DYNC1H1: variants seen among roughly 807,000 people sequenced by gnomAD.
DYNC1H1 encodes dynein cytoplasmic 1 heavy chain 1, also known as cytoplasmic dynein 1 heavy chain 1.
Under a neutral mutation model 527.1 loss-of-function variants are expected in DYNC1H1, and 51 were observed. The ratio of observed to expected loss-of-function variants is 0.10; its 90% CI spans 0.08 to 0.12. The LOEUF is 0.12. DYNC1H1 is among the 10% of genes least tolerant of loss of function. The pLI, the probability that DYNC1H1 is intolerant of heterozygous loss-of-function variation, is 1.00. For synonymous variants in DYNC1H1, 2,189 were observed against 2,278.8 expected, an observed-to-expected ratio of 0.96 and a Z score of 1.12; for missense variants, 2,771 against 5,971.8, an observed-to-expected ratio of 0.46 and a Z score of 17.66.
intron 2 of DYNC1H1, 125 bp downstream of exon 2, chr14:101,975,924 T>G: frequency 5.3e-6 from 4 of 754,040 alleles, no homozygotes; most frequent in Non-Finnish European, 8.3e-6. Flanking sequence ...TTTTTTTTTT[T>G]GAGACGGAGT....
chr14:102,048,748 G>C (rs772963190), intron 74 of DYNC1H1, 79 bp downstream of exon 74: 13 of 1,463,868 alleles, frequency 8.9e-6, no homozygotes, highest in African/African-American at 1.4e-5. Context: ...CAGCCACACA[G>C]CACCACGTGC....
At chr14:102,009,788 A>ATTTTTTTTTTTTT in intron 29 of DYNC1H1, 55 bp from the exon 30 acceptor site, 1 of 1,595,192 alleles carries the variant, frequency 6.3e-7, no homozygotes, top group Admixed American at 1.7e-5. Flanking sequence ...TTTAGAATGC[A>ATTTTTTTTTTTTT]TTTTGTTTTT....
At position 102,049,723 on chromosome 14, in the gene DYNC1H1, G is replaced by C; in HGVS notation, c.13525G>C (p.Val4509Leu). The C allele has an allele frequency of 2.5e-6, 4 of 1,613,896 alleles. No homozygotes were observed. The highest frequency in any genetic ancestry group is 3.4e-6 in the Non-Finnish European group (4 of 1,180,018). Reference sequence around the variant, plus strand: ...CTGCTGCTTTCCACAGAACATCCACGTGTGCCTGGGTGGCCTGTTCGTGCC... The same window carrying C: ...CTGCTGCTTTCCACAGAACATCCACCTGTGCCTGGGTGGCCTGTTCGTGCC... ...GGAKELKNIH[V>L]CLGGLFVPEA... Residue 4509 changes from valine (V) to leucine (L), a missense_variant, in exon 76 of 78, where the codon GTG becomes CTG. This residue lies in a region of DYNC1H1 where 170 missense variants were observed against 249.8 expected (regional missense o/e 0.68). Coordinates refer to ENST00000360184, the MANE Select transcript of DYNC1H1 (RefSeq NM_001376.5). This position sits in a 1 kb window ranked among gnomAD's most constrained non-coding sequence, Gnocchi z 5.5.
chr14:102,028,468 T>G, intron 48 of DYNC1H1: 1 of 367,078 alleles, frequency 2.7e-6, no homozygotes, highest in South Asian at 2.2e-5. Flanking sequence ...TGAGCTGAGA[T>G]CACGGCACTG....
At chr14:102,024,844 G>A (rs568948521) in intron 43 of DYNC1H1, among the ~76,000 whole-genome samples, 45 of 151,386 alleles carry the variant, frequency 3.0e-4, no homozygotes, top group Non-Finnish European at 5.8e-4. Context: ...ACAGGTGCCC[G>A]CCACCACGCC....
rs781360488 is a variant in DYNC1H1 at position 102,010,667 on chromosome 14, G to C, written c.6406-73G>C. The C allele has an allele frequency of 1.9e-6, 3 of 1,588,796 alleles. No individual in the cohort carries two copies. In the East Asian group the frequency reaches 6.7e-5, roughly 36 times the overall value. On this transcript the variant is annotated intron_variant, in intron 31 of 77. Transcript: ENST00000360184. This position sits in a 1 kb window ranked among gnomAD's most constrained non-coding sequence, Gnocchi z 6.0. The stretch of plus-strand genomic sequence containing the variant: ...TTGTTCACCAACAGTTACTGATCAC[G>C]CACCTCCTGGGGATGCAGCGGGCAG...
At position 102,031,642 on chromosome 14, in the gene DYNC1H1, A is replaced by G. The variant is rs563649483; in HGVS notation, c.9884-630A>G. On this transcript the variant is annotated intron_variant, in intron 51 of 77. Transcript: ENST00000360184. The stretch of plus-strand genomic sequence containing the variant: ...ATAAATGCACAATTGCACTTAAAAT[A>G]TTTTGTAAAATATTTTTTTAAAATA... Among the ~76,000 whole-genome samples the G allele has an allele frequency of 1.8e-4, 28 of 151,844 alleles. 1 individual carries two copies. The East Asian group carries it at 5.3e-3, about 29-fold the overall frequency.
chr14:101,966,293 C>T (rs1173665175), intron 1 of DYNC1H1, among the ~76,000 whole-genome samples: 1 of 151,976 alleles, frequency 6.6e-6, no homozygotes, highest in Non-Finnish European at 1.5e-5. Flanking sequence ...TTCTTATATC[C>T]ACGTGGAATG....
intron 64 of DYNC1H1, 35 bp downstream of exon 64, chr14:102,040,708 A>G (rs766569105): frequency 1.9e-6 from 3 of 1,613,086 alleles, no homozygotes; most frequent in Non-Finnish European, 2.5e-6. Flanking sequence ...CTGGACCTGA[A>G]TGTAAAGTTG....
At position 102,012,118 on chromosome 14, in the gene DYNC1H1, G is replaced by A. The variant is rs371934648; in HGVS notation, c.6857+5G>A. 20 of 1,614,008 alleles carry A rather than the reference G, an allele frequency of 1.2e-5. No individual in the cohort carries two copies. Among genetic ancestry groups the A allele is most frequent in the Admixed American group, 1.0e-4 (6 of 59,996 alleles). On this transcript the variant is annotated splice_donor_5th_base_variant and intron_variant, in intron 33 of 77. Transcript: ENST00000360184. The surrounding 1 kb of genome is among the most constrained non-coding windows in gnomAD (Gnocchi z 4.9). ...CTTCACACACGTGCTGAGAAAGTAC[G>A]TCTTCTTTGATCTGTGTTTGTGTTC... is the stretch of plus-strand genomic sequence containing the variant.
At position 102,033,740 on chromosome 14, in the gene DYNC1H1, C is replaced by G. The variant is rs2048537283; in HGVS notation, c.10414-236C>G. ...ACCAGCAGCTCCAGACCTGTTTGCT[C>G]TGCTGCCTGAGGGCCTCGCTCCGTA... On this transcript the variant is annotated intron_variant, in intron 54 of 77. Coordinates refer to ENST00000360184, the MANE Select transcript of DYNC1H1 (RefSeq NM_001376.5). The surrounding 1 kb of genome is among the most constrained non-coding windows in gnomAD (Gnocchi z 5.6). 8.8e-6 allele frequency: 6 copies of G among 682,242 alleles called. No individual in the cohort carries two copies. Among genetic ancestry groups the G allele is most frequent in the Non-Finnish European group, 1.5e-5 (6 of 400,284 alleles). The allele number at this position is 682,242 out of a possible 1,614,324, so 42.3% of individuals were successfully genotyped here. A position where few individuals can be genotyped will look rare whatever the true frequency, so the allele number is the denominator to read the frequency against.
chr14:102,049,534 G>A lies in DYNC1H1; in HGVS notation c.13467G>A (p.Leu4489=), dbSNP rs1410594862. Reference sequence around the variant, plus strand: ...ACTTCAGCGAGAGGATCAAACAGCTGCAGAACATCTCACTGGCAGCTGCAT... The same window carrying A: ...ACTTCAGCGAGAGGATCAAACAGCTACAGAACATCTCACTGGCAGCTGCAT... ...VSDFSERIKQ[L]QNISLAAASG... is the part of the protein sequence containing the mutation. Residue 4489 remains leucine (L), a synonymous_variant, in exon 75 of 78, where the codon CTG becomes CTA. Coordinates refer to ENST00000360184, the MANE Select transcript of DYNC1H1 (RefSeq NM_001376.5). This position sits in a 1 kb window ranked among gnomAD's most constrained non-coding sequence, Gnocchi z 5.5. 2.5e-6 allele frequency: 4 copies of A among 1,614,076 alleles called. No homozygotes were observed. Among genetic ancestry groups the A allele is most frequent in the Admixed American group, 3.3e-5 (2 of 60,000 alleles).
intron 1 of DYNC1H1, among the ~76,000 whole-genome samples, chr14:101,973,010 C>G (rs60741753): frequency 0.021 from 3,124 of 151,974 alleles, 101 homozygotes; most frequent in African/African-American, 0.072. Context: ...CTCTTGTGGT[C>G]TAGCTACATT....
At position 102,041,754 on chromosome 14, in the gene DYNC1H1, CG is replaced by C; in HGVS notation, c.12102+23del. 1 of 1,613,742 alleles carries C rather than the reference CG, an allele frequency of 6.2e-7. No homozygotes were observed. On this transcript the variant is annotated intron_variant, in intron 65 of 77. Transcript: ENST00000360184. This position sits in a 1 kb window ranked among gnomAD's most constrained non-coding sequence, Gnocchi z 4.5. Reference sequence around the variant, plus strand: ...ACAGAGGTAATGTCCTGGTACAGCCCGGGCTTCCCACGAGACTCCATGCCCA... The same window carrying C: ...ACAGAGGTAATGTCCTGGTACAGCCCGGCTTCCCACGAGACTCCATGCCCA...
At position 102,028,096 on chromosome 14, in the gene DYNC1H1, A is replaced by G; in HGVS notation, c.9423A>G (p.Glu3141=). ...DKLPQPPSHR[E]AIVNSCVFVH... is the part of the protein sequence containing the mutation. ...TGCCGCAGCCACCATCCCATCGGGA[A>G]GCCATTGTGAACAGCTGTGTGTTTG... Residue 3141 remains glutamate (E), a synonymous_variant, in exon 48 of 78, where the codon GAA becomes GAG. Coordinates refer to ENST00000360184, the MANE Select transcript of DYNC1H1 (RefSeq NM_001376.5). 1 of 1,614,174 alleles carries G rather than the reference A, an allele frequency of 6.2e-7. No homozygotes were observed. Among genetic ancestry groups the G allele is most frequent in the Non-Finnish European group, 8.5e-7 (1 of 1,180,018 alleles).
chr14:101,981,516 CATT>C (rs939755262), intron 5 of DYNC1H1, among the ~76,000 whole-genome samples: 13 of 152,280 alleles, frequency 8.5e-5, no homozygotes, highest in Admixed American at 6.5e-4. Flanking sequence ...GAACACGAGG[CATT>C]ATTAGGCATT....
At position 102,017,774 on chromosome 14, in the gene DYNC1H1, G is replaced by A; in HGVS notation, c.8177+270G>A. On this transcript the variant is annotated intron_variant, in intron 40 of 77. Transcript: ENST00000360184. This position sits in a 1 kb window ranked among gnomAD's most constrained non-coding sequence, Gnocchi z 4.6. ...GAGGTCAGGAGATTGAGACCATCCT[G>A]GCCAACACAGTGAAACCTCGTCTCT... 2 of 489,214 alleles carry A rather than the reference G, an allele frequency of 4.1e-6. No individual in the cohort carries two copies. The highest frequency in any genetic ancestry group is 2.0e-5 in the South Asian group (1 of 48,834). The allele number at this position is 489,214 out of a possible 1,614,324, so 30.3% of individuals were successfully genotyped here. A position where few individuals can be genotyped will look rare whatever the true frequency, so the allele number is the denominator to read the frequency against.
rs1360772536 is a variant in DYNC1H1, at chr14:101,964,642, G to A, written c.-50G>A. ...TCTGTCTCTTGCTGGCTGTCTCGCTGAGTCGCGGCCGCCTTCTCATCGCTC... is the reference window on the plus strand; with the variant it reads ...TCTGTCTCTTGCTGGCTGTCTCGCTAAGTCGCGGCCGCCTTCTCATCGCTC... On this transcript the variant is annotated 5_prime_UTR_variant, in exon 1 of 78. Coordinates refer to ENST00000360184, the MANE Select transcript of DYNC1H1 (RefSeq NM_001376.5). The surrounding 1 kb of genome is among the most constrained non-coding windows in gnomAD (Gnocchi z 5.5). 4 of 1,547,774 alleles carry A rather than the reference G, an allele frequency of 2.6e-6. No individual in the cohort carries two copies. Among genetic ancestry groups the A allele is most frequent in the Non-Finnish European group, 3.5e-6 (4 of 1,152,712 alleles).
Position 102,017,955 on chromosome 14 carries a change from A to C in DYNC1H1, c.8177+451A>C. 1 of 272,932 alleles carries C rather than the reference A, an allele frequency of 3.7e-6. No homozygotes were observed. Among genetic ancestry groups the C allele is most frequent in the South Asian group, 4.0e-5 (1 of 24,976 alleles). 16.9% of individuals were successfully genotyped at this position (272,932 alleles called of 1,614,324 possible). A position where few individuals can be genotyped will look rare whatever the true frequency, so the allele number is the denominator to read the frequency against. On this transcript the variant is annotated intron_variant, in intron 40 of 77. Transcript: ENST00000360184. This position sits in a 1 kb window ranked among gnomAD's most constrained non-coding sequence, Gnocchi z 4.6. ...CCCCATCTCTACTAAAAATACAAAA[A>C]ATTAGCCAGGCATGGTGGCAGGTGC...
Sources: gnomAD v4.1 joint callset for allele counts (sites outside exome capture counted in the v4.1 genomes callset) on GRCh38, gnomAD v4.1.1 for gene constraint, gnomAD v4.1.1 regional missense constraint, Gnocchi (gnomAD v3.1) non-coding constraint, MANE v1.5 for transcripts, NCBI Gene and HGNC (gene_info 2026-07-23, HGNC 2026-07-21) for gene names.